KSR1: variants seen among roughly 807,000 people sequenced by gnomAD.
The protein encoded by KSR1 is kinase suppressor of ras.
A neutral mutation model predicts 92.9 loss-of-function variants in KSR1; 35 were observed. That is an observed-to-expected ratio of 0.38 (90% CI 0.29 to 0.50). The LOEUF is 0.50. Among genes scored for constraint, KSR1 ranks in the 20% least tolerant of loss-of-function variants. The pLI is 0.94. For synonymous variants in KSR1, 467 were observed against 472.6 expected (o/e 0.99, Z 0.15); for missense variants, 972 against 1,158.5 (o/e 0.84, Z 2.34).
At chr17:27,514,207 G>A (rs1029232277) in intron 1 of KSR1, among the ~76,000 whole-genome samples, 20 of 152,208 alleles carry the variant, frequency 1.3e-4, no homozygotes, top group African/African-American at 4.6e-4. Context: ...AATAACACTC[G>A]GTCAGCCTGT....
At chr17:27,491,768 T>C (rs1489268731) in intron 1 of KSR1, among the ~76,000 whole-genome samples, 1 of 152,090 alleles carries the variant, frequency 6.6e-6, no homozygotes, top group Non-Finnish European at 1.5e-5. Flanking sequence ...CCCAGGTCTG[T>C]GTGGGGAAGT....
chr17:27,599,071 G>A (rs372646674), intron 10 of KSR1, among the ~76,000 whole-genome samples: 14 of 152,234 alleles, frequency 9.2e-5, no homozygotes, highest in African/African-American at 2.9e-4. Context: ...ATCATAGAGC[G>A]CACTTACGTA....
intron 1 of KSR1, among the ~76,000 whole-genome samples, chr17:27,473,767 G>A (rs1175954060): frequency 6.6e-6 from 1 of 152,092 alleles, no homozygotes; most frequent in African/African-American, 2.4e-5. Context: ...TGGCACAGGG[G>A]ACAGAACAGA....
In KSR1 at chr17:27,605,432, A is replaced by G; in HGVS notation, c.1615-2A>G. 1.2e-6 allele frequency: 2 copies of G among 1,608,394 alleles called. No individual in the cohort carries two copies. The highest frequency in any genetic ancestry group is 1.7e-5 in the Admixed American group (1 of 59,338). On this transcript the variant is annotated splice_acceptor_variant, in intron 13 of 20. Coordinates refer to ENST00000644974, the MANE Select transcript of KSR1 (RefSeq NM_001394583.1). LOFTEE classifies it high-confidence loss of function. ...TCCCTGTTCTTCCTGCTCTCCTTTC[A>G]GGCTGAGGAGCCAGAGGCTGGCAAG...
chr17:27,492,589 G>C (rs2068863528), intron 1 of KSR1, among the ~76,000 whole-genome samples: 1 of 152,172 alleles, frequency 6.6e-6, no homozygotes, highest in Non-Finnish European at 1.5e-5. Context: ...GGTGAGTCCT[G>C]TGGACTTCCA....
chr17:27,497,909 G>A (rs1158608899), intron 1 of KSR1, among the ~76,000 whole-genome samples: 3 of 152,184 alleles, frequency 2.0e-5, no homozygotes, highest in East Asian at 1.9e-4. Flanking sequence ...CAGCAAGACC[G>A]TCACGGTGGC....
intron 1 of KSR1, among the ~76,000 whole-genome samples, chr17:27,517,077 G>A (rs1337531069): frequency 6.6e-6 from 1 of 152,172 alleles, no homozygotes; most frequent in Non-Finnish European, 1.5e-5. Context: ...GTCTCTTGTG[G>A]GAGAAATTTA....
chr17:27,552,192 A>G (rs1032771182), intron 2 of KSR1, among the ~76,000 whole-genome samples: 8 of 152,074 alleles, frequency 5.3e-5, no homozygotes, highest in Non-Finnish European at 1.2e-4. Context: ...TATTTTCTCA[A>G]TGACACTGAC....
intron 1 of KSR1, among the ~76,000 whole-genome samples, chr17:27,532,002 A>G (rs576011070): frequency 6.6e-6 from 1 of 151,832 alleles, no homozygotes; most frequent in Admixed American, 6.6e-5. Context: ...GGACAGAACC[A>G]GGAGACCGTC....
chr17:27,533,922 G>C (rs1418862812), intron 1 of KSR1, among the ~76,000 whole-genome samples: 1 of 152,084 alleles, frequency 6.6e-6, no homozygotes, highest in East Asian at 1.9e-4. Context: ...TCCCCACCCT[G>C]TTCAGCTAGA....
intron 5 of KSR1, 126 bp from the exon 6 acceptor site, chr17:27,588,349 G>A (rs757267727): frequency 9.6e-6 from 7 of 726,992 alleles, no homozygotes; most frequent in Non-Finnish European, 1.5e-5. Flanking sequence ...CATAGATCAG[G>A]GAGATGCTTA....
chr17:27,524,259 G>A (rs2070157434), intron 1 of KSR1, among the ~76,000 whole-genome samples: 2 of 152,012 alleles, frequency 1.3e-5, no homozygotes, highest in African/African-American at 4.8e-5. Flanking sequence ...CCCCAGTGAG[G>A]TCAAGCAGGA....
intron 1 of KSR1, among the ~76,000 whole-genome samples, chr17:27,505,819 C>T (rs1454717197): frequency 6.6e-6 from 1 of 152,210 alleles, no homozygotes; most frequent in African/African-American, 2.4e-5. Flanking sequence ...ATCAACCATG[C>T]TTCCAGTTGG....
intron 1 of KSR1, among the ~76,000 whole-genome samples, chr17:27,545,855 T>C (rs2071154071): frequency 6.6e-6 from 1 of 152,190 alleles, no homozygotes; most frequent in East Asian, 1.9e-4. Flanking sequence ...GCCCAAACGC[T>C]GGCTCAGGCT....
intron 1 of KSR1, among the ~76,000 whole-genome samples, chr17:27,492,036 ATTAC>A (rs2068847056): frequency 6.6e-6 from 1 of 152,056 alleles, no homozygotes; most frequent in African/African-American, 2.4e-5. Context: ...TCATTCTTTA[ATTAC>A]TTACAGGGGT....
chr17:27,543,543 TCAACC>T (rs2071044338), intron 1 of KSR1, among the ~76,000 whole-genome samples: 1 of 152,166 alleles, frequency 6.6e-6, no homozygotes, highest in Non-Finnish European at 1.5e-5. Flanking sequence ...CAGTATCTGC[TCAACC>T]AGGCCCGTGC....
At chr17:27,500,337 G>A (rs996024530) in intron 1 of KSR1, among the ~76,000 whole-genome samples, 4 of 152,170 alleles carry the variant, frequency 2.6e-5, no homozygotes, top group Admixed American at 2.6e-4. Context: ...ATGTTCCCAA[G>A]GCCACCCAGC....
intron 1 of KSR1, among the ~76,000 whole-genome samples, chr17:27,510,152 G>T (rs955235496): frequency 6.6e-6 from 1 of 152,216 alleles, no homozygotes; most frequent in Non-Finnish European, 1.5e-5. Flanking sequence ...AACCTTTCTG[G>T]TTTTCCCTTT....
In KSR1 at chr17:27,605,747, G is replaced by A; in HGVS notation, c.1928G>A (p.Arg643Gln). 1 of 1,612,760 alleles carries A rather than the reference G, an allele frequency of 6.2e-7. No individual in the cohort carries two copies. Among genetic ancestry groups the A allele is most frequent in the Non-Finnish European group, 8.5e-7 (1 of 1,179,816 alleles). Reference protein sequence around the residue: ...KKEVMNYRQTRHENVVLFMGA... With the variant: ...KKEVMNYRQTQHENVVLFMGA... ...GAGGTGATGAACTACCGGCAGACGC[G>A]GCATGAGAACGTGGTGCTCTTCATG... The change falls in exon 14 of 21, where the codon CGG (arginine) becomes CAG (glutamine). Residue 643 changes from arginine (R) to glutamine (Q), a missense_variant. Around this residue, in one of 5 missense-constraint regions of KSR1, gnomAD observed 260 missense variants for 375.2 expected, o/e 0.69. Transcript: ENST00000644974.
Sources: allele counts gnomAD v4.1 joint callset (sites outside exome capture counted in the v4.1 genomes callset), GRCh38; gene constraint gnomAD v4.1.1; regional missense constraint gnomAD v4.1.1; transcripts MANE v1.5; gene names NCBI Gene and HGNC (gene_info 2026-07-23, HGNC 2026-07-21).